ST3GAL5: variants seen among roughly 807,000 people sequenced by gnomAD.
ST3GAL5 encodes lactosylceramide alpha-2,3-sialyltransferase.
ST3GAL5 carries 25 observed loss-of-function variants against 46.1 expected under a neutral mutation model. The observed-to-expected ratio is 0.54, with a 90% CI of 0.40 to 0.76. ST3GAL5 has a LOEUF of 0.76. Ranked by LOEUF, ST3GAL5 falls within the 30% of genes least tolerant of loss-of-function variation. The pLI, the probability that ST3GAL5 is intolerant of heterozygous loss-of-function variation, is 0.00. For missense variants in ST3GAL5, 431 were observed against 521.2 expected (o/e 0.83, Z 1.69); for synonymous variants, 182 against 192.7 (o/e 0.94, Z 0.46).
intron 6 of ST3GAL5, among the ~76,000 whole-genome samples, chr2:85,843,046 C>A (rs2103926950): frequency 6.6e-6 from 1 of 152,314 alleles, no homozygotes; most frequent in South Asian, 2.1e-4. Flanking sequence ...GCGTCTGCAA[C>A]CGCGCCCAGC....
chr2:85,882,836 A>AAAAC (rs1054556236), intron 1 of ST3GAL5, among the ~76,000 whole-genome samples: 3 of 149,236 alleles, frequency 2.0e-5, no homozygotes, highest in African/African-American at 5.0e-5. Flanking sequence ...CTCTGTCTCA[A>AAAAC]AAAAAAAAAA....
intron 3 of ST3GAL5, among the ~76,000 whole-genome samples, chr2:85,860,202 G>A (rs139428919): frequency 5.1e-4 from 77 of 152,274 alleles, no homozygotes; most frequent in Middle Eastern, 3.4e-3. Flanking sequence ...CTGGCACACG[G>A]GAGCACTAAA....
At chr2:85,874,251 T>C (rs1686274010) in intron 1 of ST3GAL5, among the ~76,000 whole-genome samples, 1 of 152,192 alleles carries the variant, frequency 6.6e-6, no homozygotes, top group African/African-American at 2.4e-5. Flanking sequence ...TTTTTATAAA[T>C]GTAAAAGTGT....
intron 2 of ST3GAL5, 50 bp from the exon 3 acceptor site, chr2:85,861,342 A>G: frequency 1.7e-6 from 2 of 1,203,464 alleles, no homozygotes; most frequent in Non-Finnish European, 2.5e-6. Flanking sequence ...GAGAATCATG[A>G]GATGCAATGT....
intron 1 of ST3GAL5, among the ~76,000 whole-genome samples, chr2:85,874,316 T>C (rs1395898680): frequency 1.3e-5 from 2 of 152,238 alleles, no homozygotes; most frequent in Non-Finnish European, 2.9e-5. Context: ...AAAACTATAA[T>C]GTTCCCAGCA....
rs372489091 is a variant in ST3GAL5 at position 85,837,856 on chromosome 2, G to A, written c.*2288C>T. ...CATTTATGTCGGAGGGTGTGTGTGCGGGTCTAGAATGCAATACAAAGCTGT... is the reference window on the plus strand; with the variant it reads ...CATTTATGTCGGAGGGTGTGTGTGCAGGTCTAGAATGCAATACAAAGCTGT... On this transcript the variant is annotated 3_prime_UTR_variant, in exon 7 of 7. Transcript: ENST00000638572. 3.3e-5 allele frequency: 5 copies of A among 152,302 alleles called. No homozygotes were observed. The highest frequency in any genetic ancestry group is 6.5e-5 in the Admixed American group (1 of 15,304). 9.4% of individuals were successfully genotyped at this position (152,302 alleles called of 1,614,324 possible). A position where few individuals can be genotyped will look rare whatever the true frequency, so the allele number is the denominator to read the frequency against.
chr2:85,860,833 A>G lies in ST3GAL5; in HGVS notation c.318+348T>C. The G allele has an allele frequency of 3.8e-5, 4 of 105,056 alleles. No individual in the cohort carries two copies. In the South Asian group the frequency reaches 1.0e-3, roughly 27 times the overall value. 6.5% of individuals were successfully genotyped at this position (105,056 alleles called of 1,614,324 possible). On this transcript the variant is annotated intron_variant, in intron 3 of 6. Coordinates refer to ENST00000638572, the MANE Select transcript of ST3GAL5 (RefSeq NM_003896.4). ...TGGGTGCAGAGCGAGACCCTGACTC[A>G]AAAAAAAAAAAAGGGAGAAAAGAAA...
At chr2:85,866,192 A>C (rs1685271000) in intron 1 of ST3GAL5, 1 of 152,174 alleles carries the variant, frequency 6.6e-6, no homozygotes, top group Non-Finnish European at 1.5e-5. Context: ...TCTTCACCTC[A>C]AGCAACATTC....
chr2:85,852,918 C>T, intron 3 of ST3GAL5: 2 of 1,304,152 alleles, frequency 1.5e-6, no homozygotes, highest in Non-Finnish European at 2.0e-6. Flanking sequence ...AGAGAAAAGA[C>T]TCGGTTTGAA....
rs187454113 is a variant in ST3GAL5 at position 85,885,151 on chromosome 2, T to C, written c.82+3673A>G. Among the ~76,000 whole-genome samples the C allele has an allele frequency of 2.7e-3, 415 of 152,288 alleles. 1 individual carries two copies. The highest frequency in any genetic ancestry group is 5.1e-3 in the Non-Finnish European group (344 of 68,018). On this transcript the variant is annotated intron_variant, in intron 1 of 6. Coordinates refer to ENST00000638572, the MANE Select transcript of ST3GAL5 (RefSeq NM_003896.4). ...GGCTTTTCCTCTAGGTCACGGATAA[T>C]TTTTAGCAGAAATGCAGAGAAAGCA...
At chr2:85,886,027 T>C (rs184306399) in intron 1 of ST3GAL5, among the ~76,000 whole-genome samples, 8 of 152,272 alleles carry the variant, frequency 5.3e-5, no homozygotes, top group Admixed American at 5.2e-4. Context: ...TGCGTGACTA[T>C]GTGGTATATT....
chr2:85,844,507 G>A lies in ST3GAL5; in HGVS notation c.897C>T (p.Ile299=). ...LFFWKQVAEK[I]PLQPKHFRIL... is the part of the protein sequence containing the mutation. ...TCCTGAAATGTTTTGGCTGCAGTGG[G>A]ATTTTTTCTGCCACCTGCTTCCAAA... Residue 299 remains isoleucine (I), a synonymous_variant, in exon 6 of 7, where the codon ATC becomes ATT. Transcript: ENST00000638572. 6.2e-7 allele frequency: 1 copy of A among 1,614,174 alleles called. No individual in the cohort carries two copies. Among genetic ancestry groups the A allele is most frequent in the South Asian group, 1.1e-5 (1 of 91,084 alleles).
At chr2:85,868,344 C>T (rs1685512561) in intron 1 of ST3GAL5, among the ~76,000 whole-genome samples, 1 of 152,210 alleles carries the variant, frequency 6.6e-6, no homozygotes, top group Non-Finnish European at 1.5e-5. Flanking sequence ...CTCTGTCACC[C>T]TGGCTGGAGT....
At chr2:85,851,587 AT>A (rs753681368) in intron 3 of ST3GAL5, 1 of 1,289,430 alleles carries the variant, frequency 7.8e-7, no homozygotes, top group South Asian at 1.2e-5. Context: ...CTTGTCCCAC[AT>A]CTTTAAGTAA....
intron 2 of ST3GAL5, 119 bp downstream of exon 2, chr2:85,863,243 T>C: frequency 1.9e-6 from 3 of 1,584,850 alleles, no homozygotes; most frequent in Non-Finnish European, 2.6e-6. Context: ...TGAGGCATCC[T>C]TTGACCAAGC....
chr2:85,842,110 C>T (rs1245483657), intron 6 of ST3GAL5, among the ~76,000 whole-genome samples: 1 of 152,200 alleles, frequency 6.6e-6, no homozygotes, highest in African/African-American at 2.4e-5. Context: ...CTACTGAAGC[C>T]ATCATTTGTT....
intron 3 of ST3GAL5, chr2:85,853,161 A>T (rs1270671241): frequency 1.9e-6 from 2 of 1,059,986 alleles, no homozygotes; most frequent in African/African-American, 3.3e-5. Context: ...ACCGAAACTG[A>T]CATCAACGTG....
Position 85,861,167 on chromosome 2 carries a change from ATGGGATATCTAACCTTTACATGGTCAGGG to A in ST3GAL5, c.303_318+13del. On this transcript the variant is annotated splice_donor_variant and splice_donor_5th_base_variant and coding_sequence_variant and intron_variant, in exon 3 of 7. Coordinates refer to ENST00000638572, the MANE Select transcript of ST3GAL5 (RefSeq NM_003896.4). LOFTEE classifies it high-confidence loss of function. ...CAATGTTTTCATTTAAACCACACCA[ATGGGATATCTAACCTTTACATGGTCAGGG>A]TCCACATAATGCATTTTTTTCATGT... is the stretch of plus-strand genomic sequence containing the variant. 6.7e-7 allele frequency: 1 copy of A among 1,502,326 alleles called. No individual in the cohort carries two copies. Among genetic ancestry groups the A allele is most frequent in the Non-Finnish European group, 9.3e-7 (1 of 1,078,952 alleles). 93.1% of individuals were successfully genotyped at this position (1,502,326 alleles called of 1,614,324 possible). A position where few individuals can be genotyped will look rare whatever the true frequency, so the allele number is the denominator to read the frequency against.
chr2:85,864,268 C>T (rs932481071), intron 1 of ST3GAL5, among the ~76,000 whole-genome samples: 4 of 152,088 alleles, frequency 2.6e-5, no homozygotes, highest in African/African-American at 9.7e-5. Flanking sequence ...TTATGTTTTA[C>T]AACCGCATGT....
Sources: allele counts gnomAD v4.1 joint callset (sites outside exome capture counted in the v4.1 genomes callset), GRCh38; gene constraint gnomAD v4.1.1; transcripts MANE v1.5; gene names NCBI Gene and HGNC (gene_info 2026-07-23, HGNC 2026-07-21).